The following DPP10 variants were observed in gnomAD, a reference collection of about 807,000 sequenced individuals.
The protein encoded by DPP10 is inactive dipeptidyl peptidase 10.
In DPP10, 33 loss-of-function variants were observed where a neutral mutation model predicts 120.9. The observed-to-expected ratio is 0.27, with a 90% CI of 0.21 to 0.37. DPP10 has a LOEUF of 0.37. DPP10 is among the 10% of genes least tolerant of loss of function. The probability of loss-of-function intolerance (pLI) is 1.00; values close to 1 mark genes in which losing one functional copy is unlikely to be tolerated. For synonymous variants in DPP10, 337 were observed against 326.1 expected (o/e 1.03, Z -0.36); for missense variants, 816 against 942.8 (o/e 0.87, Z 1.76).
chr2:115,590,688 T>C (rs2082603038), intron 5 of DPP10, among the ~76,000 whole-genome samples: 2 of 152,196 alleles, frequency 1.3e-5, no homozygotes, highest in African/African-American at 2.4e-5. Context: ...TACCCAGTAA[T>C]GGGATGGTTG....
intron 1 of DPP10, among the ~76,000 whole-genome samples, chr2:114,522,208 T>G (rs1685127691): frequency 6.6e-6 from 1 of 151,342 alleles, no homozygotes; most frequent in Non-Finnish European, 1.5e-5. Flanking sequence ...ATGGTCTCGA[T>G]CTCCTGACCT....
At chr2:115,325,780 T>A (rs921387433) in intron 2 of DPP10, among the ~76,000 whole-genome samples, 1 of 152,206 alleles carries the variant, frequency 6.6e-6, no homozygotes, top group Non-Finnish European at 1.5e-5. Context: ...ATGTATTTAA[T>A]GTCTAACTCA....
rs74832022 is a variant in DPP10 at position 115,476,034 on chromosome 2, G to A, written c.272-23476G>A. Among the ~76,000 whole-genome samples the A allele has an allele frequency of 1.6e-3, 248 of 152,202 alleles. 1 individual carries two copies. Among genetic ancestry groups the A allele is most frequent in the African/African-American group, 5.3e-3 (219 of 41,524 alleles). On this transcript the variant is annotated intron_variant, in intron 3 of 25. Coordinates refer to ENST00000410059, the MANE Select transcript of DPP10 (RefSeq NM_020868.6). ...TAATACTGGAGTGAGTTAAGACTCG[G>A]GGGGACTCTTGAGAAGATATGATTG...
intron 1 of DPP10, among the ~76,000 whole-genome samples, chr2:114,933,388 C>CA (rs777968032): frequency 1.4e-4 from 22 of 152,300 alleles, no homozygotes; most frequent in Admixed American, 4.6e-4. Context: ...TCAGCAGCTA[C>CA]ATGAGCCATC....
At chr2:115,390,370 A>G (rs1467520787) in intron 3 of DPP10, among the ~76,000 whole-genome samples, 1 of 152,204 alleles carries the variant, frequency 6.6e-6, no homozygotes, top group East Asian at 1.9e-4. Context: ...TTTTCTGCCA[A>G]ACGAGAGATG....
chr2:114,754,142 G>T (rs1453645329), intron 1 of DPP10, among the ~76,000 whole-genome samples: 1 of 152,068 alleles, frequency 6.6e-6, no homozygotes, highest in Non-Finnish European at 1.5e-5. Context: ...GAAATCTGTG[G>T]CTTTGGTTGG....
chr2:114,598,936 T>G (rs912257950), intron 1 of DPP10, among the ~76,000 whole-genome samples: 2 of 151,864 alleles, frequency 1.3e-5, no homozygotes, highest in Admixed American at 1.3e-4. Context: ...GAAATCTTAG[T>G]TTCCTCCCGG....
Position 115,814,775 on chromosome 2 carries a change from A to C in DPP10, c.1701-18A>C. 6.6e-7 allele frequency: 1 copy of C among 1,503,888 alleles called. No homozygotes were observed. Among genetic ancestry groups the C allele is most frequent in the Non-Finnish European group, 9.0e-7 (1 of 1,109,964 alleles). 93.2% of individuals were successfully genotyped at this position (1,503,888 alleles called of 1,614,324 possible). A position where few individuals can be genotyped will look rare whatever the true frequency, so the allele number is the denominator to read the frequency against. On this transcript the variant is annotated intron_variant, in intron 19 of 25. Coordinates refer to ENST00000410059, the MANE Select transcript of DPP10 (RefSeq NM_020868.6). ...TTTCAGTTGCTCTTGTTTTGGTCCA[A>C]TATGTTGGTATTTGCAGGGATGAAG...
chr2:115,333,101 G>A (rs1036949162), intron 2 of DPP10, among the ~76,000 whole-genome samples: 21 of 151,988 alleles, frequency 1.4e-4, no homozygotes, highest in African/African-American at 4.8e-4. Context: ...ATGAATCTGG[G>A]TGCTCGTGTA....
At chr2:115,420,586 T>G (rs1233091330) in intron 3 of DPP10, among the ~76,000 whole-genome samples, 1 of 152,188 alleles carries the variant, frequency 6.6e-6, no homozygotes, top group Non-Finnish European at 1.5e-5. Flanking sequence ...CCTAAAAATA[T>G]AATATGGTTA....
intron 1 of DPP10, among the ~76,000 whole-genome samples, chr2:114,813,941 A>AACAC (rs375858356): frequency 0.094 from 13,154 of 139,308 alleles, 645 homozygotes; most frequent in East Asian, 0.11. Context: ...GGCACGCATG[A>AACAC]ACACACACAC....
At chr2:114,783,425 TAAG>T (rs1168755700) in intron 1 of DPP10, among the ~76,000 whole-genome samples, 1 of 152,096 alleles carries the variant, frequency 6.6e-6, no homozygotes, top group African/African-American at 2.4e-5. Flanking sequence ...AGAACAGATA[TAAG>T]AAGAGTGCGT....
chr2:115,630,046 G>A (rs919539943), intron 5 of DPP10, among the ~76,000 whole-genome samples: 1 of 152,086 alleles, frequency 6.6e-6, no homozygotes. Context: ...AACATGGAAT[G>A]TTTTTCCATT....
chr2:114,885,154 G>C (rs1691956397), intron 1 of DPP10, among the ~76,000 whole-genome samples: 1 of 152,190 alleles, frequency 6.6e-6, no homozygotes, highest in African/African-American at 2.4e-5. Flanking sequence ...ATAGGCTGTA[G>C]AGGAAGCATG....
At chr2:114,801,262 C>CA (rs1174819592) in intron 1 of DPP10, among the ~76,000 whole-genome samples, 12,536 of 59,476 alleles carry the variant, frequency 0.21, 763 homozygotes, top group Non-Finnish European at 0.24. Flanking sequence ...GACTCTGTAT[C>CA]AAAAAAAAAA....
chr2:115,081,128 G>C (rs1168316218), intron 1 of DPP10, among the ~76,000 whole-genome samples: 2 of 152,126 alleles, frequency 1.3e-5, no homozygotes, highest in South Asian at 4.1e-4. Context: ...TATCTTGCAT[G>C]GGATTTGTGA....
chr2:114,491,769 A>G (rs1190094292), intron 1 of DPP10, among the ~76,000 whole-genome samples: 1 of 152,208 alleles, frequency 6.6e-6, no homozygotes, highest in Non-Finnish European at 1.5e-5. Context: ...TCAGTTATTT[A>G]ATTCTGGAAT....
chr2:115,656,712 G>A (rs1444332622), intron 5 of DPP10, among the ~76,000 whole-genome samples: 1 of 151,676 alleles, frequency 6.6e-6, no homozygotes, highest in African/African-American at 2.4e-5. Flanking sequence ...TTTGTTACCA[G>A]CGGGAGAAAG....
chr2:115,450,011 A>C (rs1317221488), intron 3 of DPP10, among the ~76,000 whole-genome samples: 3 of 152,002 alleles, frequency 2.0e-5, no homozygotes, highest in African/African-American at 2.4e-5. Context: ...CAAAGGCATA[A>C]ATTGAGGCCT....
Sources: allele counts gnomAD v4.1 joint callset (sites outside exome capture counted in the v4.1 genomes callset), GRCh38; gene constraint gnomAD v4.1.1; transcripts MANE v1.5; gene names NCBI Gene and HGNC (gene_info 2026-07-23, HGNC 2026-07-21).